The following ADGRL3 variants were observed in gnomAD, a reference collection of about 807,000 sequenced individuals.
The protein encoded by ADGRL3 is calcium-independent alpha-latrotoxin receptor 3.
A neutral mutation model predicts 153.5 loss-of-function variants in ADGRL3; 62 were observed. The observed-to-expected ratio is 0.40, with a 90% confidence interval of 0.33 to 0.50. The LOEUF is 0.50. Among genes scored for constraint, ADGRL3 ranks in the 20% least tolerant of loss-of-function variants. ADGRL3 has a pLI of 0.47. For missense variants in ADGRL3, 1,641 were observed against 1,859.4 expected, an observed-to-expected ratio of 0.88 and a Z score of 2.16; for synonymous variants, 710 against 672.5, an observed-to-expected ratio of 1.06 and a Z score of -0.86.
At chr4:61,727,380 A>C (rs2096366890) in intron 6 of ADGRL3, among the ~76,000 whole-genome samples, 1 of 152,178 alleles carries the variant, frequency 6.6e-6, no homozygotes, top group East Asian at 1.9e-4. Context: ...GCACAGTAAA[A>C]ATAGTTTGGA....
At chr4:61,889,920 C>T (rs186538712) in intron 9 of ADGRL3, among the ~76,000 whole-genome samples, 2 of 152,270 alleles carry the variant, frequency 1.3e-5, no homozygotes, top group African/African-American at 4.8e-5. Context: ...ATTAAAATAT[C>T]TAATCGAAGA....
At chr4:61,258,875 T>G (rs2092257328) in intron 1 of ADGRL3, among the ~76,000 whole-genome samples, 1 of 152,204 alleles carries the variant, frequency 6.6e-6, no homozygotes, top group East Asian at 1.9e-4. Context: ...GTAGATAATA[T>G]TGAACATTGC....
chr4:61,393,707 G>A lies in ADGRL3; in HGVS notation c.-174+10518G>A, dbSNP rs150670078. Among the ~76,000 whole-genome samples, 214 of 152,166 alleles carry A rather than the reference G, an allele frequency of 1.4e-3. 1 individual carries two copies. Among genetic ancestry groups the A allele is most frequent in the African/African-American group, 5.0e-3 (207 of 41,516 alleles). ...TTACTTTTACTTCTATTGGTGTAATGCAGAACATTAAGTACCATCTTTCAA... is the reference window on the plus strand; with the variant it reads ...TTACTTTTACTTCTATTGGTGTAATACAGAACATTAAGTACCATCTTTCAA... On this transcript the variant is annotated intron_variant, in intron 2 of 26. Coordinates refer to ENST00000683033, the MANE Select transcript of ADGRL3 (RefSeq NM_001387552.1).
intron 23 of ADGRL3, among the ~76,000 whole-genome samples, chr4:62,035,814 C>A (rs1724667631): frequency 6.6e-6 from 1 of 152,222 alleles, no homozygotes; most frequent in East Asian, 1.9e-4. Context: ...AGGCACATCG[C>A]TTGACTTTTC....
intron 2 of ADGRL3, among the ~76,000 whole-genome samples, chr4:61,479,535 A>G (rs1282426940): frequency 1.3e-5 from 2 of 152,132 alleles, no homozygotes; most frequent in African/African-American, 4.8e-5. Flanking sequence ...AAGCCTTTAA[A>G]TTGTTTTATT....
chr4:61,814,362 T>C (rs935287655), intron 9 of ADGRL3, among the ~76,000 whole-genome samples: 9 of 152,066 alleles, frequency 5.9e-5, no homozygotes, highest in Non-Finnish European at 1.2e-4. Context: ...TGTGTTAAAA[T>C]TATGTATTTT....
At chr4:61,540,534 C>T (rs1013327638) in intron 4 of ADGRL3, among the ~76,000 whole-genome samples, 1 of 148,776 alleles carries the variant, frequency 6.7e-6, no homozygotes, top group Non-Finnish European at 1.5e-5. Flanking sequence ...GTTGACAGAG[C>T]GAGACTCTGT....
chr4:61,207,019 TA>T (rs1280461282), intron 1 of ADGRL3, among the ~76,000 whole-genome samples: 4 of 151,494 alleles, frequency 2.6e-5, no homozygotes, highest in Non-Finnish European at 5.9e-5. Context: ...TAAAATAAAA[TA>T]AAAACATGAA....
At chr4:61,289,498 G>C (rs1267218379) in intron 1 of ADGRL3, among the ~76,000 whole-genome samples, 1 of 151,936 alleles carries the variant, frequency 6.6e-6, no homozygotes, top group African/African-American at 2.4e-5. Context: ...TGGCAATAAT[G>C]TATCTGGCAA....
At chr4:61,422,105 C>T (rs888344489) in intron 2 of ADGRL3, among the ~76,000 whole-genome samples, 8 of 152,228 alleles carry the variant, frequency 5.3e-5, no homozygotes, top group Admixed American at 2.0e-4. Context: ...TGTGCCCCAA[C>T]AAAGTGAGAG....
intron 19 of ADGRL3, among the ~76,000 whole-genome samples, chr4:61,991,679 C>T (rs1406881857): frequency 6.6e-6 from 1 of 151,656 alleles, no homozygotes; most frequent in African/African-American, 2.4e-5. Context: ...GCTTGCAAAG[C>T]ATTTCAACAT....
At chr4:61,543,149 C>G (rs1565903) in intron 4 of ADGRL3, among the ~76,000 whole-genome samples, 2 of 149,340 alleles carry the variant, frequency 1.3e-5, no homozygotes, top group African/African-American at 2.5e-5. Context: ...CCCACCCCCC[C>G]ACCTCGACTT....
chr4:62,051,631 G>A (rs1036481786), intron 25 of ADGRL3, among the ~76,000 whole-genome samples: 36 of 151,614 alleles, frequency 2.4e-4, no homozygotes, highest in African/African-American at 8.2e-4. Flanking sequence ...ATAATAAACA[G>A]TTTGTATTTA....
At chr4:61,586,972 G>A (rs1284206986) in intron 4 of ADGRL3, among the ~76,000 whole-genome samples, 1 of 151,888 alleles carries the variant, frequency 6.6e-6, no homozygotes, top group Non-Finnish European at 1.5e-5. Context: ...ATAGAAAATC[G>A]ACAGTGCCTT....
chr4:61,537,834 A>G (rs967753584), intron 4 of ADGRL3, among the ~76,000 whole-genome samples: 2 of 152,090 alleles, frequency 1.3e-5, no homozygotes. Context: ...TGTTTCCTCT[A>G]TCCTTATTCT....
At chr4:61,414,456 C>A (rs988332184) in intron 2 of ADGRL3, among the ~76,000 whole-genome samples, 1 of 151,982 alleles carries the variant, frequency 6.6e-6, no homozygotes, top group Non-Finnish European at 1.5e-5. Context: ...TTGTTATTCC[C>A]AGAGAAAATT....
intron 4 of ADGRL3, among the ~76,000 whole-genome samples, chr4:61,551,013 G>A (rs2098737776): frequency 6.6e-6 from 1 of 152,060 alleles, no homozygotes; most frequent in African/African-American, 2.4e-5. Flanking sequence ...TGTGTGATTA[G>A]GCACTTGTAA....
chr4:61,962,597 A>C (rs1432771255), intron 17 of ADGRL3, among the ~76,000 whole-genome samples: 1 of 151,944 alleles, frequency 6.6e-6, no homozygotes, highest in Non-Finnish European at 1.5e-5. Context: ...TTTTTCCCTC[A>C]TGATTAGATT....
At chr4:61,788,879 T>C (rs1050797547) in intron 8 of ADGRL3, among the ~76,000 whole-genome samples, 1 of 152,200 alleles carries the variant, frequency 6.6e-6, no homozygotes, top group Non-Finnish European at 1.5e-5. Context: ...GGGCAATTGA[T>C]TTCCAATAAT....
Sources: allele counts gnomAD v4.1 joint callset (sites outside exome capture counted in the v4.1 genomes callset), GRCh38; gene constraint gnomAD v4.1.1; transcripts MANE v1.5; gene names NCBI Gene and HGNC (gene_info 2026-07-23, HGNC 2026-07-21).